Variants in PRKAR1B observed in about 807,000 individuals in gnomAD.
PRKAR1B encodes the protein cAMP-dependent protein kinase type I-beta regulatory subunit.
In PRKAR1B, 22 loss-of-function variants were observed where a neutral mutation model predicts 46.5. That is an observed-to-expected ratio of 0.47 (90% CI 0.34 to 0.68). PRKAR1B has a LOEUF of 0.68. Ranked by LOEUF, PRKAR1B falls within the 30% of genes least tolerant of loss-of-function variation. The pLI, the probability that PRKAR1B is intolerant of heterozygous loss-of-function variation, is 0.01. For missense variants in PRKAR1B, 445 were observed against 535.6 expected (o/e 0.83, Z 1.67); for synonymous variants, 259 against 217.7 (o/e 1.19, Z -1.67).
intron 8 of PRKAR1B, among the ~76,000 whole-genome samples, chr7:582,078 A>C (rs527855581): frequency 6.6e-6 from 1 of 152,332 alleles, no homozygotes; most frequent in Non-Finnish European, 1.5e-5. Flanking sequence ...TGCAGAATAA[A>C]CGCAGTCACG....
chr7:715,117 G>A lies in PRKAR1B; in HGVS notation c.-22-3590C>T, dbSNP rs190037023. ...AGGAGAATCACTTGAACTCCAGTGA[G>A]CCCAGATCGTACCACTGCACTCCAG... is the stretch of plus-strand genomic sequence containing the variant. On this transcript the variant is annotated intron_variant, in intron 1 of 10. Transcript: ENST00000537384. Among the ~76,000 whole-genome samples the A allele has an allele frequency of 1.3e-4, 20 of 152,222 alleles. No homozygotes were observed. The East Asian group carries it at 3.1e-3, about 23-fold the overall frequency.
chr7:615,679 T>A (rs1782765898), intron 4 of PRKAR1B, among the ~76,000 whole-genome samples: 1 of 146,140 alleles, frequency 6.8e-6, no homozygotes, highest in Non-Finnish European at 1.5e-5. Context: ...CAAAAAAAAA[T>A]TAGCCGGGCG....
chr7:679,315 C>T (rs913904446), intron 3 of PRKAR1B, among the ~76,000 whole-genome samples: 4 of 152,174 alleles, frequency 2.6e-5, no homozygotes, highest in South Asian at 4.1e-4. Context: ...CCCAGGACCC[C>T]GTCCTGTCTC....
rs147065863 is a variant in PRKAR1B, at chr7:577,379, C to T, written c.891+1877G>A. On this transcript the variant is annotated intron_variant, in intron 9 of 10. Transcript: ENST00000537384. The stretch of plus-strand genomic sequence containing the variant: ...GGGACCTTAAACTCCGCCACCCTGA[C>T]GCACGCATTTCCCGATGACAGGTAC... Among the ~76,000 whole-genome samples the T allele has an allele frequency of 2.9e-3, 445 of 152,296 alleles. 3 individuals are homozygous for T. Among genetic ancestry groups the T allele is most frequent in the African/African-American group, 0.01 (416 of 41,570 alleles).
chr7:647,974 C>T (rs1784711881), intron 4 of PRKAR1B, among the ~76,000 whole-genome samples: 1 of 151,500 alleles, frequency 6.6e-6, no homozygotes, highest in Admixed American at 6.6e-5. Context: ...ATCAAGACCC[C>T]AGCTCTACAA....
intron 8 of PRKAR1B, among the ~76,000 whole-genome samples, chr7:584,052 G>A (rs1468452762): frequency 6.6e-6 from 1 of 152,188 alleles, no homozygotes; most frequent in African/African-American, 2.4e-5. Context: ...CAATGATGGC[G>A]GCGTAGAAAG....
Position 593,638 on chromosome 7 carries a change from C to T in PRKAR1B, c.708+2508G>A, listed in dbSNP as rs187299145. 1.9e-4 allele frequency among the ~76,000 whole-genome samples: 29 copies of T among 152,322 alleles called. No homozygotes were observed. The East Asian group carries it at 3.9e-3, about 20-fold the overall frequency. ...CTGTGCCCTCTTCCTGCCCCAAAAC[C>T]GCTCCAGCCCCTCTCAGGGGGAGGG... On this transcript the variant is annotated intron_variant, in intron 7 of 10. Coordinates refer to ENST00000537384, the MANE Select transcript of PRKAR1B (RefSeq NM_001164760.2). The surrounding 1 kb of genome is among the most constrained non-coding windows in gnomAD (Gnocchi z 6.1).
intron 8 of PRKAR1B, among the ~76,000 whole-genome samples, chr7:583,105 G>A (rs561420512): frequency 3.3e-5 from 5 of 152,126 alleles, no homozygotes; most frequent in East Asian, 1.9e-4. Flanking sequence ...GCTCTGTCTC[G>A]GGTGAGGACG....
intron 9 of PRKAR1B, among the ~76,000 whole-genome samples, chr7:551,780 G>C (rs1344710269): frequency 7.7e-6 from 1 of 129,046 alleles, no homozygotes; most frequent in African/African-American, 2.9e-5. Context: ...CCTTCCCTCG[G>C]AGCCACTGCC....
At chr7:552,329 GCA>G (rs1784282946) in intron 9 of PRKAR1B, among the ~76,000 whole-genome samples, 1 of 12,002 alleles carries the variant, frequency 8.3e-5, no homozygotes, top group Non-Finnish European at 1.5e-4. Flanking sequence ...GGTCCTTCCC[GCA>G]GAGCCACTGC....
Position 678,408 on chromosome 7 carries a change from A to T in PRKAR1B, c.349-1088T>A, listed in dbSNP as rs138032789. Reference sequence around the variant, plus strand: ...TGTAGTGTGTGCCTGTATGCAGTACACTGTTACTGGCTGCAGTCACCCCAC... The same window carrying T: ...TGTAGTGTGTGCCTGTATGCAGTACTCTGTTACTGGCTGCAGTCACCCCAC... On this transcript the variant is annotated intron_variant, in intron 3 of 10. Coordinates refer to ENST00000537384, the MANE Select transcript of PRKAR1B (RefSeq NM_001164760.2). 3.8e-3 allele frequency among the ~76,000 whole-genome samples: 580 copies of T among 152,340 alleles called. 1 individual carries two copies. Among genetic ancestry groups the T allele is most frequent in the Non-Finnish European group, 5.6e-3 (380 of 68,024 alleles).
intron 2 of PRKAR1B, among the ~76,000 whole-genome samples, chr7:706,912 A>G (rs911361797): frequency 6.6e-6 from 1 of 152,214 alleles, no homozygotes; most frequent in Admixed American, 6.5e-5. Flanking sequence ...CAAGTGAAGA[A>G]AAATCCTCCA....
rs781288801 is a variant in PRKAR1B, at chr7:550,415, G to C, written c.*15C>G. ...ACCACACTGGGGAGCTGGGGCTGCA[G>C]GGCGGGAGCTGTGCTCAGACGGTGA... On this transcript the variant is annotated 3_prime_UTR_variant, in exon 11 of 11. Coordinates refer to ENST00000537384, the MANE Select transcript of PRKAR1B (RefSeq NM_001164760.2). The C allele has an allele frequency of 3.2e-6, 5 of 1,578,350 alleles. 1 individual carries two copies. The highest frequency in any genetic ancestry group is 1.2e-5 in the South Asian group (1 of 86,116).
chr7:700,779 A>T (rs1780014352), intron 2 of PRKAR1B, among the ~76,000 whole-genome samples: 1 of 152,218 alleles, frequency 6.6e-6, no homozygotes. Flanking sequence ...TTTAGAACTG[A>T]AAAATAAAGT....
chr7:665,276 G>A lies in PRKAR1B; in HGVS notation c.440+11953C>T, dbSNP rs563239509. On this transcript the variant is annotated intron_variant, in intron 4 of 10. Coordinates refer to ENST00000537384, the MANE Select transcript of PRKAR1B (RefSeq NM_001164760.2). ...GTGTGCATTCACGGTGGGCAAGTCA[G>A]CCCCAAGCAGCCACATCCCAGCCAG... Among the ~76,000 whole-genome samples the A allele has an allele frequency of 3.9e-5, 6 of 152,218 alleles. 1 individual carries two copies. The South Asian group carries it at 1.0e-3, about 26-fold the overall frequency.
chr7:709,879 G>A (rs932211438), intron 2 of PRKAR1B, among the ~76,000 whole-genome samples: 1 of 152,154 alleles, frequency 6.6e-6, no homozygotes, highest in Non-Finnish European at 1.5e-5. Flanking sequence ...CTGACCTCAA[G>A]TGATCTTCCC....
rs111845061 is a variant in PRKAR1B, at chr7:612,919, C to T, written c.441-5467G>A. On this transcript the variant is annotated intron_variant, in intron 4 of 10. Transcript: ENST00000537384. ...AGCAACAGAGGCTTTATTAAATAAA[C>T]GACAATGAAAAGATGTGTGTGTGTA... is the stretch of plus-strand genomic sequence containing the variant. Among the ~76,000 whole-genome samples the T allele has an allele frequency of 3.2e-3, 477 of 150,614 alleles. 6 individuals carry two copies. Among genetic ancestry groups the T allele is most frequent in the African/African-American group, 0.011 (442 of 40,992 alleles).
Position 602,058 on chromosome 7 carries a change from C to A in PRKAR1B, c.549+4135G>T, listed in dbSNP as rs1256289032. Among the ~76,000 whole-genome samples the A allele has an allele frequency of 1.3e-5, 2 of 152,152 alleles. No individual in the cohort carries two copies. Among genetic ancestry groups the A allele is most frequent in the African/African-American group, 4.8e-5 (2 of 41,438 alleles). ...TGCCTCCCAACGTCCCCGGGCCTGG[C>A]GAGAAGCCAGGCAGGACGCCACGAC... On this transcript the variant is annotated intron_variant, in intron 6 of 10. Coordinates refer to ENST00000537384, the MANE Select transcript of PRKAR1B (RefSeq NM_001164760.2). The surrounding 1 kb of genome is among the most constrained non-coding windows in gnomAD (Gnocchi z 6.4).
At chr7:703,069 A>T (rs1300079514) in intron 2 of PRKAR1B, among the ~76,000 whole-genome samples, 1 of 152,200 alleles carries the variant, frequency 6.6e-6, no homozygotes, top group African/African-American at 2.4e-5. Context: ...AAGAGGATAG[A>T]AAAAGATTAA....
Sources: gnomAD v4.1 joint callset for allele counts (sites outside exome capture counted in the v4.1 genomes callset) on GRCh38, gnomAD v4.1.1 for gene constraint, Gnocchi (gnomAD v3.1) non-coding constraint, MANE v1.5 for transcripts, NCBI Gene and HGNC (gene_info 2026-07-23, HGNC 2026-07-21) for gene names.